ANKRD29: variants seen among roughly 807,000 people sequenced by gnomAD.
ANKRD29 encodes ankyrin repeat domain 29, also known as ankyrin repeat domain-containing protein 29.
Under a neutral mutation model 38.0 loss-of-function variants are expected in ANKRD29, and 32 were observed. The observed-to-expected ratio is 0.84, with a 90% confidence interval of 0.64 to 1.13. The LOEUF (loss-of-function observed/expected upper bound fraction) is 1.13, where lower values mean the gene tolerates loss of function less well. Among genes scored for constraint, ANKRD29 ranks in the 50% most tolerant of loss-of-function variants. The probability of loss-of-function intolerance (pLI) is 0.00; values close to 1 mark genes in which losing one functional copy is unlikely to be tolerated. For synonymous variants in ANKRD29, 135 were observed against 152.4 expected (o/e 0.89, Z 0.84); for missense variants, 357 against 377.9 (o/e 0.94, Z 0.46).
At chr18:23,660,428 T>C (rs572695503) in intron 1 of ANKRD29, among the ~76,000 whole-genome samples, 7 of 152,386 alleles carry the variant, frequency 4.6e-5, no homozygotes, top group Admixed American at 2.6e-4. Flanking sequence ...CCTATCATCA[T>C]TTAAAGATGC....
chr18:23,659,615 T>C (rs779749185), intron 1 of ANKRD29, among the ~76,000 whole-genome samples: 2 of 151,676 alleles, frequency 1.3e-5, no homozygotes, highest in African/African-American at 2.4e-5. Context: ...TGGTGGCGCA[T>C]GCCTGTAGTC....
intron 5 of ANKRD29, among the ~76,000 whole-genome samples, chr18:23,633,339 C>T (rs2059957706): frequency 6.6e-6 from 1 of 152,136 alleles, no homozygotes; most frequent in South Asian, 2.1e-4. Flanking sequence ...CCTCTTTGTG[C>T]CCTTCCTCAC....
chr18:23,662,655 G>A lies in ANKRD29; in HGVS notation c.21+55C>T, dbSNP rs1202572645. ...CCATCCCACCCCACCCGACCCCGCG[G>A]GCCCGGCCGCCCGAGCCCGGCCCCA... On this transcript the variant is annotated intron_variant, in intron 1 of 9. Coordinates refer to ENST00000592179, the MANE Select transcript of ANKRD29 (RefSeq NM_173505.4). 1.5e-5 allele frequency: 6 copies of A among 395,106 alleles called. No homozygotes were observed. The African/African-American group carries it at 1.7e-4, about 11-fold the overall frequency. The allele number at this position is 395,106 out of a possible 1,614,324, so 24.5% of individuals were successfully genotyped here. A position where few individuals can be genotyped will look rare whatever the true frequency, so the allele number is the denominator to read the frequency against.
intron 6 of ANKRD29, among the ~76,000 whole-genome samples, chr18:23,620,742 G>A (rs1459804572): frequency 2.0e-5 from 3 of 152,154 alleles, no homozygotes; most frequent in East Asian, 1.9e-4. Context: ...GCTGGTGCCC[G>A]GGAGATAGGA....
At chr18:23,654,843 G>A (rs990908551) in intron 1 of ANKRD29, among the ~76,000 whole-genome samples, 1 of 152,108 alleles carries the variant, frequency 6.6e-6, no homozygotes, top group Non-Finnish European at 1.5e-5. Flanking sequence ...AGGAAACACA[G>A]AGGAAAATTT....
At chr18:23,638,644 C>A (rs1167875945) in intron 4 of ANKRD29, among the ~76,000 whole-genome samples, 1 of 152,120 alleles carries the variant, frequency 6.6e-6, no homozygotes, top group Non-Finnish European at 1.5e-5. Context: ...CAATTGTGAG[C>A]CCAGAGTAAA....
Position 23,600,899 on chromosome 18 carries a change from C to A in ANKRD29, c.*327G>T. The stretch of plus-strand genomic sequence containing the variant: ...TGTCTCCTTGCTTAGTACTGAGAAC[C>A]CTGTCCACCTTAGAGTTTAACTGAC... On this transcript the variant is annotated 3_prime_UTR_variant, in exon 10 of 10. Coordinates refer to ENST00000592179, the MANE Select transcript of ANKRD29 (RefSeq NM_173505.4). The A allele has an allele frequency of 5.0e-6, 1 of 199,706 alleles. No homozygotes were observed. The highest frequency in any genetic ancestry group is 1.0e-5 in the Non-Finnish European group (1 of 97,588). 12.4% of individuals were successfully genotyped at this position (199,706 alleles called of 1,614,324 possible).
chr18:23,653,599 C>T (rs1369273260), intron 1 of ANKRD29, among the ~76,000 whole-genome samples: 1 of 150,808 alleles, frequency 6.6e-6, no homozygotes, highest in Non-Finnish European at 1.5e-5. Flanking sequence ...GGCCCCTCCT[C>T]TCCCCTCTCC....
At chr18:23,644,240 C>T (rs1365247760) in intron 3 of ANKRD29, among the ~76,000 whole-genome samples, 1 of 152,204 alleles carries the variant, frequency 6.6e-6, no homozygotes, top group Non-Finnish European at 1.5e-5. Flanking sequence ...CCTCTTCTAG[C>T]TGCTTTTCTC....
chr18:23,622,758 G>T (rs2059812110), intron 6 of ANKRD29, among the ~76,000 whole-genome samples: 1 of 152,080 alleles, frequency 6.6e-6, no homozygotes, highest in Non-Finnish European at 1.5e-5. Context: ...GTAGAGACGG[G>T]GTTTCACCAT....
At chr18:23,617,123 A>T (rs1320738937) in intron 8 of ANKRD29, among the ~76,000 whole-genome samples, 2 of 152,210 alleles carry the variant, frequency 1.3e-5, no homozygotes, top group Non-Finnish European at 2.9e-5. Context: ...AGGCTGAGAC[A>T]GGAGAATCAC....
intron 1 of ANKRD29, among the ~76,000 whole-genome samples, chr18:23,657,839 A>G (rs1269416598): frequency 1.3e-5 from 2 of 152,100 alleles, no homozygotes; most frequent in African/African-American, 2.4e-5. Context: ...TTCCTCCCCA[A>G]ATTCATATGC....
chr18:23,659,914 C>T (rs1224852866), intron 1 of ANKRD29, among the ~76,000 whole-genome samples: 1 of 151,972 alleles, frequency 6.6e-6, no homozygotes, highest in Admixed American at 6.6e-5. Context: ...AGTTCAAGAC[C>T]AGCCTGGCCA....
intron 5 of ANKRD29, among the ~76,000 whole-genome samples, chr18:23,633,376 T>G (rs1482941821): frequency 6.6e-6 from 1 of 152,204 alleles, no homozygotes; most frequent in Non-Finnish European, 1.5e-5. Flanking sequence ...TATTTTTATA[T>G]CCAATGAGCG....
At chr18:23,608,742 A>G (rs913188980) in intron 9 of ANKRD29, among the ~76,000 whole-genome samples, 2 of 152,220 alleles carry the variant, frequency 1.3e-5, no homozygotes, top group Non-Finnish European at 2.9e-5. Context: ...TGACTCTGAA[A>G]CAAAATTGAT....
chr18:23,646,053 C>A (rs1206631636), intron 3 of ANKRD29, 136 bp downstream of exon 3: 7 of 760,248 alleles, frequency 9.2e-6, no homozygotes, highest in Non-Finnish European at 1.3e-5. Context: ...TCATTGTAGG[C>A]ACAATAAACT....
At chr18:23,611,760 C>T (rs2059644931) in intron 9 of ANKRD29, among the ~76,000 whole-genome samples, 1 of 152,022 alleles carries the variant, frequency 6.6e-6, no homozygotes, top group African/African-American at 2.4e-5. Context: ...TGGTGCTAAA[C>T]CATTTGTAAA....
At chr18:23,616,939 C>T (rs1033482930) in intron 8 of ANKRD29, among the ~76,000 whole-genome samples, 4 of 151,760 alleles carry the variant, frequency 2.6e-5, no homozygotes, top group Non-Finnish European at 1.5e-5. Flanking sequence ...AAAATTTAGG[C>T]CAGATAGGGT....
At chr18:23,639,529 ATTTTTTTTTT>A (rs11310206) in intron 3 of ANKRD29, among the ~76,000 whole-genome samples, 2 of 120,346 alleles carry the variant, frequency 1.7e-5, no homozygotes, top group African/African-American at 5.9e-5. Flanking sequence ...TTTTACTGTG[ATTTTTTTTTT>A]TTTTTTTTTT....
Sources: gnomAD v4.1 joint callset for allele counts (sites outside exome capture counted in the v4.1 genomes callset) on GRCh38, gnomAD v4.1.1 for gene constraint, MANE v1.5 for transcripts, NCBI Gene and HGNC (gene_info 2026-07-23, HGNC 2026-07-21) for gene names.